UNC5C: variants seen among roughly 807,000 people sequenced by gnomAD.
UNC5C encodes netrin receptor UNC5C.
UNC5C carries 47 observed loss-of-function variants against 99.8 expected under a neutral mutation model. The observed-to-expected ratio is 0.47, with a 90% CI of 0.37 to 0.60. The LOEUF (loss-of-function observed/expected upper bound fraction) is 0.60. Among genes scored for constraint, UNC5C ranks in the 20% least tolerant of loss-of-function variants. The pLI is 0.00. For synonymous variants in UNC5C, 487 were observed against 452.2 expected (o/e 1.08, Z -0.98); for missense variants, 1,062 against 1,165.9 (o/e 0.91, Z 1.30).
intron 1 of UNC5C, among the ~76,000 whole-genome samples, chr4:95,546,226 C>G (rs1564895): frequency 1.3e-5 from 2 of 152,140 alleles, no homozygotes; most frequent in African/African-American, 4.8e-5. Context: ...ACAAGGAAAT[C>G]ATACCTTGAG....
At chr4:95,319,174 A>G (rs1315286952) in intron 2 of UNC5C, among the ~76,000 whole-genome samples, 4 of 152,218 alleles carry the variant, frequency 2.6e-5, no homozygotes, top group East Asian at 1.9e-4. Context: ...CTGGTTGTAC[A>G]TTAGCATTAC....
intron 14 of UNC5C, among the ~76,000 whole-genome samples, chr4:95,181,784 G>A (rs961672102): frequency 4.6e-5 from 7 of 152,190 alleles, no homozygotes; most frequent in Non-Finnish European, 1.0e-4. Context: ...AAAGAAGGAT[G>A]GAGTGTAGCG....
At chr4:95,293,551 T>G (rs965867539) in intron 3 of UNC5C, among the ~76,000 whole-genome samples, 3 of 152,178 alleles carry the variant, frequency 2.0e-5, no homozygotes, top group South Asian at 4.2e-4. Context: ...AACCCCTATG[T>G]GCAAGTGATC....
intron 5 of UNC5C, among the ~76,000 whole-genome samples, chr4:95,248,940 C>CTGAGGGACTTCCT: frequency 6.6e-6 from 1 of 152,282 alleles, no homozygotes; most frequent in South Asian, 2.1e-4. Context: ...ATTGACTCAC[C>CTGAGGGACTTCCT]CAGAGCAACT....
In UNC5C at chr4:95,337,251, G is replaced by A. The variant is rs370258124; in HGVS notation, c.125-1620C>T. Among the ~76,000 whole-genome samples, 41 of 151,932 alleles carry A rather than the reference G, an allele frequency of 2.7e-4. 1 individual carries two copies. Among genetic ancestry groups the A allele is most frequent in the Admixed American group, 1.1e-3 (16 of 15,196 alleles). On this transcript the variant is annotated intron_variant, in intron 1 of 15. Transcript: ENST00000453304. ...TAGACTTTATTTTTTAACTATGTTTGTACACATAAAACATGTGACTGTATT... is the reference window on the plus strand; with the variant it reads ...TAGACTTTATTTTTTAACTATGTTTATACACATAAAACATGTGACTGTATT...
intron 3 of UNC5C, among the ~76,000 whole-genome samples, chr4:95,290,107 C>T (rs1741388882): frequency 6.6e-6 from 1 of 151,912 alleles, no homozygotes; most frequent in Admixed American, 6.6e-5. Flanking sequence ...AGTTTGGAAT[C>T]AACCTGAGCA....
intron 2 of UNC5C, among the ~76,000 whole-genome samples, chr4:95,321,598 T>C (rs17023523): frequency 0.04 from 6,143 of 152,232 alleles, 401 homozygotes; most frequent in African/African-American, 0.14. Context: ...GAATCAATTG[T>C]GAACACTAAT....
chr4:95,530,473 C>A (rs984084803), intron 1 of UNC5C, among the ~76,000 whole-genome samples: 2 of 152,124 alleles, frequency 1.3e-5, no homozygotes, highest in Non-Finnish European at 2.9e-5. Context: ...AAATAAAATT[C>A]TTCATTTAAA....
At chr4:95,419,257 G>T (rs1165773028) in intron 1 of UNC5C, among the ~76,000 whole-genome samples, 1 of 151,962 alleles carries the variant, frequency 6.6e-6, no homozygotes, top group South Asian at 2.1e-4. Context: ...AGATGATAAG[G>T]TAACCCCATA....
chr4:95,398,046 T>C (rs1193678105), intron 1 of UNC5C, among the ~76,000 whole-genome samples: 1 of 143,570 alleles, frequency 7.0e-6, no homozygotes, highest in Non-Finnish European at 1.5e-5. Context: ...AAATGTAGCT[T>C]TTTTTTTTTT....
At chr4:95,517,139 G>A (rs1474794572) in intron 1 of UNC5C, among the ~76,000 whole-genome samples, 1 of 152,120 alleles carries the variant, frequency 6.6e-6, no homozygotes, top group African/African-American at 2.4e-5. Context: ...ATTGTAAAGC[G>A]AGATACAAAC....
chr4:95,407,271 G>A (rs1336239224), intron 1 of UNC5C, among the ~76,000 whole-genome samples: 2 of 152,046 alleles, frequency 1.3e-5, no homozygotes, highest in African/African-American at 2.4e-5. Context: ...GGATACGAGG[G>A]CACTAAAATT....
intron 7 of UNC5C, among the ~76,000 whole-genome samples, chr4:95,236,724 A>G (rs1739132394): frequency 6.6e-6 from 1 of 152,182 alleles, no homozygotes; most frequent in South Asian, 2.1e-4. Context: ...GCTTATCACT[A>G]AATACATATA....
At chr4:95,171,815 C>G (rs1280228249) in intron 14 of UNC5C, among the ~76,000 whole-genome samples, 2 of 152,014 alleles carry the variant, frequency 1.3e-5, no homozygotes, top group Non-Finnish European at 2.9e-5. Context: ...AGTCGCCACA[C>G]TGACTTCCAC....
At chr4:95,455,806 C>T (rs776156572) in intron 1 of UNC5C, among the ~76,000 whole-genome samples, 6 of 152,004 alleles carry the variant, frequency 3.9e-5, no homozygotes, top group Non-Finnish European at 7.4e-5. Flanking sequence ...AATAACTTGA[C>T]GTTCTACATA....
At chr4:95,508,364 C>CACTGTTATTATTATT (rs1721979241) in intron 1 of UNC5C, among the ~76,000 whole-genome samples, 1 of 2,210 alleles carries the variant, frequency 4.5e-4, no homozygotes. Context: ...AAATGATGGA[C>CACTGTTATTATTATT]ATTATCATCT....
chr4:95,490,052 A>G (rs1179790813), intron 1 of UNC5C, among the ~76,000 whole-genome samples: 1 of 151,520 alleles, frequency 6.6e-6, no homozygotes, highest in African/African-American at 2.4e-5. Flanking sequence ...GGGACCCCAG[A>G]TGGAGTCCTG....
At chr4:95,491,988 G>A (rs1358082515) in intron 1 of UNC5C, among the ~76,000 whole-genome samples, 1 of 151,474 alleles carries the variant, frequency 6.6e-6, no homozygotes, top group Non-Finnish European at 1.5e-5. Context: ...TTGAAGTGTG[G>A]TGTGTTAGTT....
intron 3 of UNC5C, among the ~76,000 whole-genome samples, chr4:95,298,920 G>C (rs928176740): frequency 2.0e-5 from 3 of 152,110 alleles, no homozygotes; most frequent in South Asian, 2.1e-4. Flanking sequence ...ATGAAGAATA[G>C]CTGAAAGGCA....
Sources: allele counts gnomAD v4.1 joint callset (sites outside exome capture counted in the v4.1 genomes callset), GRCh38; gene constraint gnomAD v4.1.1; transcripts MANE v1.5; gene names NCBI Gene and HGNC (gene_info 2026-07-23, HGNC 2026-07-21).